The following EDNRA variants were observed in gnomAD, a reference collection of about 807,000 sequenced individuals.
EDNRA encodes the protein endothelin receptor type A, also known as endothelin-1 receptor.
A neutral mutation model predicts 41.4 loss-of-function variants in EDNRA; 11 were observed. The observed-to-expected ratio is 0.27, with a 90% CI of 0.17 to 0.44. The LOEUF is 0.44. Among genes scored for constraint, EDNRA ranks in the 20% least tolerant of loss-of-function variants. The pLI, the probability that EDNRA is intolerant of heterozygous loss-of-function variation, is 1.00. For synonymous variants in EDNRA, 172 were observed against 183.0 expected (o/e 0.94, Z 0.49); for missense variants, 294 against 531.0 (o/e 0.55, Z 4.39).
At chr4:147,537,738 A>G (rs534478601) in intron 5 of EDNRA, among the ~76,000 whole-genome samples, 78 of 152,228 alleles carry the variant, frequency 5.1e-4, no homozygotes, top group African/African-American at 1.9e-3. Flanking sequence ...TAGGATATAT[A>G]TTCTTTATTA....
rs1560910610 is a variant in EDNRA, at chr4:147,523,467, T to TTG, written c.548+3490_548+3491insGT. Reference sequence around the variant, plus strand: ...TCTGTTTTGTTGGGTGTTTGTTTTTTTTTGTTGTTGTTGTTTTTTTGTTTT... The same window carrying TTG: ...TCTGTTTTGTTGGGTGTTTGTTTTTTTGTTTGTTGTTGTTGTTTTTTTGTTTT... On this transcript the variant is annotated intron_variant, in intron 3 of 7. Transcript: ENST00000651419. Among the ~76,000 whole-genome samples, 437 of 148,918 alleles carry TTG rather than the reference T, an allele frequency of 2.9e-3. 1 individual carries two copies. The highest frequency in any genetic ancestry group is 0.011 in the African/African-American group (417 of 39,262).
intron 3 of EDNRA, among the ~76,000 whole-genome samples, chr4:147,527,582 A>C (rs1343967861): frequency 1.3e-5 from 2 of 152,168 alleles, no homozygotes; most frequent in African/African-American, 4.8e-5. Flanking sequence ...TTATTTTATA[A>C]TGTTTTAAAG....
chr4:147,484,141 A>G (rs1377002273), intron 1 of EDNRA, among the ~76,000 whole-genome samples: 2 of 152,184 alleles, frequency 1.3e-5, no homozygotes, highest in Admixed American at 1.3e-4. Flanking sequence ...CCTACAGAAA[A>G]GGAAATATAT....
At chr4:147,489,580 C>T (rs1729063284) in intron 2 of EDNRA, 1 of 152,076 alleles carries the variant, frequency 6.6e-6, no homozygotes, top group Admixed American at 6.6e-5. Context: ...TAAAACACAA[C>T]TGAAAAGTAA....
chr4:147,499,441 G>T (rs568283279), intron 2 of EDNRA, among the ~76,000 whole-genome samples: 47 of 152,138 alleles, frequency 3.1e-4, no homozygotes, highest in African/African-American at 1.1e-3. Flanking sequence ...CATAAAGTAG[G>T]CTTATTCCTA....
At chr4:147,528,357 C>CTTT (rs755450847) in intron 3 of EDNRA, among the ~76,000 whole-genome samples, 2 of 119,464 alleles carry the variant, frequency 1.7e-5, no homozygotes, top group Non-Finnish European at 1.7e-5. Context: ...TTCTTGCTTT[C>CTTT]TTTTTTTTTT....
intron 3 of EDNRA, among the ~76,000 whole-genome samples, chr4:147,527,384 T>C (rs1187990593): frequency 6.6e-6 from 1 of 152,252 alleles, no homozygotes; most frequent in Non-Finnish European, 1.5e-5. Flanking sequence ...TTATACTGTG[T>C]AGCCATTAAA....
chr4:147,532,775 C>T (rs1730794142), intron 4 of EDNRA, 71 bp downstream of exon 4: 3 of 1,476,352 alleles, frequency 2.0e-6, no homozygotes, highest in Non-Finnish European at 2.8e-6. Flanking sequence ...CATCTTGAGA[C>T]TTGATGACAT....
chr4:147,526,034 G>T (rs1435374449), intron 3 of EDNRA, among the ~76,000 whole-genome samples: 1 of 152,154 alleles, frequency 6.6e-6, no homozygotes, highest in African/African-American at 2.4e-5. Context: ...GTTTTCTATT[G>T]CACCATGACA....
intron 5 of EDNRA, 73 bp downstream of exon 5, chr4:147,536,102 A>G (rs1487404399): frequency 2.6e-6 from 4 of 1,518,492 alleles, no homozygotes; most frequent in African/African-American, 1.4e-5. Flanking sequence ...TGCAAATACC[A>G]TCTTTAGTAG....
At chr4:147,538,858 G>C (rs1359357334) in intron 5 of EDNRA, among the ~76,000 whole-genome samples, 1 of 152,170 alleles carries the variant, frequency 6.6e-6, no homozygotes, top group Non-Finnish European at 1.5e-5. Context: ...GGTTGAGCCA[G>C]CATTACCCTT....
chr4:147,534,013 G>C (rs1252058418), intron 4 of EDNRA, among the ~76,000 whole-genome samples: 1 of 151,758 alleles, frequency 6.6e-6, no homozygotes, highest in Non-Finnish European at 1.5e-5. Context: ...TTCCATTCTT[G>C]CTCTTCAACT....
intron 3 of EDNRA, among the ~76,000 whole-genome samples, chr4:147,526,108 A>G: frequency 6.6e-6 from 1 of 152,248 alleles, no homozygotes; most frequent in East Asian, 1.9e-4. Flanking sequence ...GACAAAGTCC[A>G]AGGCTGGCTA....
chr4:147,522,603 C>T (rs1316287081), intron 3 of EDNRA, among the ~76,000 whole-genome samples: 1 of 151,836 alleles, frequency 6.6e-6, no homozygotes, highest in Non-Finnish European at 1.5e-5. Flanking sequence ...CTCCACTTTA[C>T]AGATAGGGAA....
intron 3 of EDNRA, among the ~76,000 whole-genome samples, chr4:147,532,148 TAAA>T (rs61086622): frequency 0.011 from 1,236 of 114,624 alleles, 17 homozygotes; most frequent in African/African-American, 0.032. Flanking sequence ...CCGTCTCTAC[TAAA>T]AAAAAAAAAA....
Position 147,523,467 on chromosome 4 carries a change from T to TG in EDNRA, c.548+3489_548+3490insG, listed in dbSNP as rs1560910603. On this transcript the variant is annotated intron_variant, in intron 3 of 7. Coordinates refer to ENST00000651419, the MANE Select transcript of EDNRA (RefSeq NM_001957.4). ...TCTGTTTTGTTGGGTGTTTGTTTTT[T>TG]TTTGTTGTTGTTGTTTTTTTGTTTT... Among the ~76,000 whole-genome samples, 233 of 148,926 alleles carry TG rather than the reference T, an allele frequency of 1.6e-3. 2 individuals are homozygous for TG. Among genetic ancestry groups the TG allele is most frequent in the African/African-American group, 5.6e-3 (221 of 39,270 alleles).
At chr4:147,514,424 G>A (rs1333508893) in intron 2 of EDNRA, among the ~76,000 whole-genome samples, 1 of 152,070 alleles carries the variant, frequency 6.6e-6, no homozygotes, top group Non-Finnish European at 1.5e-5. Context: ...GGGTGAGAGT[G>A]TAAGGGGATG....
chr4:147,481,223 C>A lies in EDNRA; in HGVS notation c.-224C>A. 1 of 152,920 alleles carries A rather than the reference C, an allele frequency of 6.5e-6. No homozygotes were observed. The highest frequency in any genetic ancestry group is 1.9e-4 in the South Asian group (1 of 5,280). The allele number at this position is 152,920 out of a possible 1,614,324, so 9.5% of individuals were successfully genotyped here. A position where few individuals can be genotyped will look rare whatever the true frequency, so the allele number is the denominator to read the frequency against. ...GGAGAAGCAGTGCCCAGGAGGTTTT[C>A]TGAAGCCGGGGAAGCTGTGCAGCCG... On this transcript the variant is annotated 5_prime_UTR_variant, in exon 1 of 8. In the 5' UTR this introduces an upstream ATG that the reference lacks. Transcript: ENST00000651419.
At chr4:147,520,525 G>T (rs527874441) in intron 3 of EDNRA, 2 of 511,996 alleles carry the variant, frequency 3.9e-6, no homozygotes, top group South Asian at 1.4e-5. Context: ...TCCAGAATCC[G>T]CACGCATGAT....
Sources: allele counts gnomAD v4.1 joint callset (sites outside exome capture counted in the v4.1 genomes callset), GRCh38; gene constraint gnomAD v4.1.1; transcripts MANE v1.5; gene names NCBI Gene and HGNC (gene_info 2026-07-23, HGNC 2026-07-21).